Variants in NHS observed in about 807,000 individuals in gnomAD.
The protein encoded by NHS is NHS actin remodeling regulator, also known as actin remodeling regulator NHS.
NHS carries 5 observed loss-of-function variants against 72.5 expected under a neutral mutation model. The ratio of observed to expected loss-of-function variants is 0.07; its 90% CI spans 0.04 to 0.14. NHS has a LOEUF of 0.14. NHS is among the 10% of genes least tolerant of loss of function. The pLI is 1.00. For synonymous variants in NHS, 464 were observed against 547.7 expected (o/e 0.85, Z 2.13); for missense variants, 1,072 against 1,355.7 (o/e 0.79, Z 3.29).
At chrX:17,631,540 CAATT>C (rs1383302889) in intron 1 of NHS, among the ~76,000 whole-genome samples, 1 of 111,492 alleles carries the variant, frequency 9.0e-6, no homozygotes, top group African/African-American at 3.3e-5. Context: ...AGCAAATGGA[CAATT>C]AAATAACTGA....
chrX:17,719,394 G>A lies in NHS; in HGVS notation c.903G>A (p.Pro301=), dbSNP rs960230379. Residue 301 remains proline (P), a synonymous_variant, in exon 4 of 9, where the codon CCG becomes CCA. Transcript: ENST00000676302. ...PSPTECCHMT[P]WSRKSHPPED... is the part of the protein sequence containing the mutation. ...CCACTGAATGTTGCCACATGACCCC[G>A]TGGAGTAGAAAGGTATTGGTTCTGA... 34 of 1,162,584 alleles carry A rather than the reference G, an allele frequency of 2.9e-5. No individual in the cohort carries two copies. The highest frequency in any genetic ancestry group is 1.8e-4 in the Admixed American group (7 of 38,405).
intron 1 of NHS, among the ~76,000 whole-genome samples, chrX:17,550,775 GTC>G (rs1338754500): frequency 2.7e-5 from 3 of 111,802 alleles, no homozygotes; most frequent in Non-Finnish European, 3.8e-5. Context: ...GTCATATCAC[GTC>G]TCTCCACTGC....
chrX:17,547,597 C>T (rs373043782), intron 1 of NHS, among the ~76,000 whole-genome samples: 6 of 112,451 alleles, frequency 5.3e-5, no homozygotes, highest in African/African-American at 1.3e-4. Flanking sequence ...AATAAAGGGA[C>T]GTTCTAAATA....
chrX:17,472,841 A>G (rs2064898101), intron 1 of NHS, among the ~76,000 whole-genome samples: 1 of 112,047 alleles, frequency 8.9e-6, no homozygotes, highest in Non-Finnish European at 1.9e-5. Context: ...GAGTCTCTCA[A>G]TGTGTGATAT....
intron 1 of NHS, among the ~76,000 whole-genome samples, chrX:17,397,234 G>A (rs1047142724): frequency 1.8e-5 from 2 of 112,405 alleles, no homozygotes; most frequent in African/African-American, 6.5e-5. Flanking sequence ...ACAACCAACC[G>A]GGTGGCATGT....
intron 1 of NHS, among the ~76,000 whole-genome samples, chrX:17,614,045 A>G (rs1280551925): frequency 8.9e-6 from 1 of 112,301 alleles, no homozygotes; most frequent in Admixed American, 9.4e-5. Flanking sequence ...TTGTGAGATT[A>G]AAAGAGACAC....
intron 1 of NHS, among the ~76,000 whole-genome samples, chrX:17,473,040 C>T (rs1485706004): frequency 8.9e-6 from 1 of 112,164 alleles, no homozygotes; most frequent in Non-Finnish European, 1.9e-5. Flanking sequence ...AACATAAACA[C>T]ACATGATTTA....
intron 1 of NHS, among the ~76,000 whole-genome samples, chrX:17,498,284 A>G (rs773686289): frequency 2.7e-5 from 3 of 111,746 alleles, no homozygotes; most frequent in Non-Finnish European, 5.6e-5. Context: ...CTCCTCACCT[A>G]AACTTGATTA....
chrX:17,383,271 G>A (rs2146840029), intron 1 of NHS, among the ~76,000 whole-genome samples: 1 of 111,527 alleles, frequency 9.0e-6, no homozygotes, highest in African/African-American at 3.3e-5. Context: ...AACTGTGAAG[G>A]CAAAGACCTA....
intron 1 of NHS, among the ~76,000 whole-genome samples, chrX:17,602,616 A>G (rs192558623): frequency 9.0e-6 from 1 of 111,096 alleles, no homozygotes; most frequent in Non-Finnish European, 1.9e-5. Context: ...TGCATGGAAA[A>G]CAGTATGGAG....
intron 5 of NHS, among the ~76,000 whole-genome samples, chrX:17,723,774 C>CGCGT (rs1458033049): frequency 8.8e-5 from 2 of 22,703 alleles, no homozygotes; most frequent in East Asian, 4.2e-3. Flanking sequence ...TGTGTGTGCG[C>CGCGT]GCGCGTGCGC....
At chrX:17,721,259 T>A (rs903720416) in intron 4 of NHS, among the ~76,000 whole-genome samples, 182 bp from the exon 5 acceptor site, 2 of 112,318 alleles carry the variant, frequency 1.8e-5, no homozygotes, top group Non-Finnish European at 3.8e-5. Context: ...TCCTTTTGTG[T>A]TGCTTGACTA....
At chrX:17,662,443 T>A (rs1199443542) in intron 1 of NHS, among the ~76,000 whole-genome samples, 1 of 111,805 alleles carries the variant, frequency 8.9e-6, no homozygotes, top group Non-Finnish European at 1.9e-5. Context: ...GCCTAAGTGC[T>A]CTCCCACCTG....
At chrX:17,399,627 T>TA (rs2064493916) in intron 1 of NHS, among the ~76,000 whole-genome samples, 1 of 111,707 alleles carries the variant, frequency 9.0e-6, no homozygotes, top group South Asian at 3.8e-4. Context: ...GAGTGACTCT[T>TA]ACGTATCATG....
At chrX:17,456,405 C>T (rs971292336) in intron 1 of NHS, among the ~76,000 whole-genome samples, 2 of 111,627 alleles carry the variant, frequency 1.8e-5, no homozygotes, top group African/African-American at 6.5e-5. Context: ...TCAAACAGGA[C>T]AAGGGAGAGA....
At chrX:17,535,555 G>A (rs2065219045) in intron 1 of NHS, among the ~76,000 whole-genome samples, 1 of 111,002 alleles carries the variant, frequency 9.0e-6, no homozygotes, top group Non-Finnish European at 1.9e-5. Flanking sequence ...TCAGTCTGGG[G>A]AGTGGTGAGG....
At chrX:17,622,977 G>T (rs984999878) in intron 1 of NHS, among the ~76,000 whole-genome samples, 2 of 111,023 alleles carry the variant, frequency 1.8e-5, no homozygotes, top group Admixed American at 1.9e-4. Context: ...ACCCAGGCTG[G>T]AATGCAGTGG....
At chrX:17,714,961 C>G (rs1271888633) in intron 3 of NHS, among the ~76,000 whole-genome samples, 4 of 112,326 alleles carry the variant, frequency 3.6e-5, no homozygotes, top group African/African-American at 1.3e-4. Flanking sequence ...ATACTCAGAA[C>G]AATCTTACTT....
chrX:17,475,484 T>G (rs2064912686), intron 1 of NHS, among the ~76,000 whole-genome samples: 1 of 112,315 alleles, frequency 8.9e-6, no homozygotes, highest in South Asian at 3.7e-4. Context: ...CTTCTCTGTG[T>G]GTCTGTCTGG....
Sources: allele counts gnomAD v4.1 joint callset (sites outside exome capture counted in the v4.1 genomes callset), GRCh38; gene constraint gnomAD v4.1.1; transcripts MANE v1.5; gene names NCBI Gene and HGNC (gene_info 2026-07-23, HGNC 2026-07-21).